Variants in ZNF385D observed in about 807,000 individuals in gnomAD.
ZNF385D encodes zinc finger protein 385D, also known as zinc finger protein 659.
Under a neutral mutation model 35.8 loss-of-function variants are expected in ZNF385D, and 15 were observed. The observed-to-expected ratio is 0.42, with a 90% CI of 0.28 to 0.64. The LOEUF (loss-of-function observed/expected upper bound fraction) is 0.64. ZNF385D is among the 30% of genes least tolerant of loss of function. The pLI, the probability that ZNF385D is intolerant of heterozygous loss-of-function variation, is 0.23. For missense variants in ZNF385D, 474 were observed against 494.6 expected (o/e 0.96, Z 0.39); for synonymous variants, 212 against 186.8 (o/e 1.13, Z -1.10).
chr3:21,548,709 C>T (rs1285693317), intron 3 of ZNF385D, among the ~76,000 whole-genome samples: 2 of 152,184 alleles, frequency 1.3e-5, no homozygotes, highest in African/African-American at 2.4e-5. Context: ...GTGTGCAGAA[C>T]TTAAGTGACT....
intron 2 of ZNF385D, among the ~76,000 whole-genome samples, chr3:21,601,099 T>G (rs971607311): frequency 2.0e-5 from 3 of 152,208 alleles, no homozygotes; most frequent in Non-Finnish European, 4.4e-5. Context: ...AGGTTTTTAT[T>G]TTTCACTATG....
intron 3 of ZNF385D, among the ~76,000 whole-genome samples, chr3:21,773,603 G>T (rs1289859075): frequency 6.6e-6 from 1 of 151,906 alleles, no homozygotes; most frequent in South Asian, 2.1e-4. Flanking sequence ...ATTAAAAAGT[G>T]GGCAAAGAAC....
intron 1 of ZNF385D, among the ~76,000 whole-genome samples, chr3:21,666,797 G>T (rs555749802): frequency 1.3e-5 from 2 of 152,234 alleles, no homozygotes; most frequent in East Asian, 3.9e-4. Flanking sequence ...CAGAAGTAAG[G>T]CCAGGTGTGG....
chr3:21,719,507 C>A (rs1281034115), intron 1 of ZNF385D, among the ~76,000 whole-genome samples: 1 of 152,114 alleles, frequency 6.6e-6, no homozygotes, highest in Non-Finnish European at 1.5e-5. Flanking sequence ...TTAATTTTAC[C>A]GATCCTCAAA....
intron 4 of ZNF385D, among the ~76,000 whole-genome samples, chr3:21,509,810 C>T (rs182879223): frequency 1.5e-4 from 23 of 152,222 alleles, no homozygotes; most frequent in African/African-American, 5.5e-4. Flanking sequence ...ATACAAAATG[C>T]CACAGGAACT....
chr3:21,638,568 T>G (rs763697227), intron 2 of ZNF385D, among the ~76,000 whole-genome samples: 2 of 152,122 alleles, frequency 1.3e-5, no homozygotes, highest in African/African-American at 4.8e-5. Flanking sequence ...GTGCCTGATA[T>G]GACATCTGTC....
At chr3:21,927,712 T>C (rs1700801392) in intron 3 of ZNF385D, among the ~76,000 whole-genome samples, 1 of 152,134 alleles carries the variant, frequency 6.6e-6, no homozygotes, top group African/African-American at 2.4e-5. Context: ...AAAATAGACT[T>C]CAAGACAAAA....
At chr3:21,810,538 G>A (rs1052599553) in intron 3 of ZNF385D, among the ~76,000 whole-genome samples, 12 of 151,782 alleles carry the variant, frequency 7.9e-5, no homozygotes, top group African/African-American at 2.9e-4. Context: ...AACTATATAT[G>A]TGTGTGTATG....
intron 2 of ZNF385D, among the ~76,000 whole-genome samples, chr3:21,630,205 C>CT (rs34565673): frequency 0.14 from 20,325 of 140,960 alleles, 1,493 homozygotes; most frequent in Middle Eastern, 0.2. Flanking sequence ...TCTTTTCTTT[C>CT]TTTTTTTTTT....
At chr3:21,664,136 G>T (rs1451576278) in intron 2 of ZNF385D, among the ~76,000 whole-genome samples, 2 of 148,472 alleles carry the variant, frequency 1.3e-5, no homozygotes, top group Non-Finnish European at 3.0e-5. Flanking sequence ...TCACTTACTC[G>T]TTTCTAACCT....
chr3:22,277,033 A>G (rs776337262), intron 2 of ZNF385D, among the ~76,000 whole-genome samples: 2 of 152,142 alleles, frequency 1.3e-5, no homozygotes, highest in African/African-American at 4.8e-5. Flanking sequence ...ATTTCATTCT[A>G]TTTCCATATC....
chr3:21,556,068 GTT>G (rs148079775), intron 3 of ZNF385D, among the ~76,000 whole-genome samples: 73 of 99,054 alleles, frequency 7.4e-4, no homozygotes, highest in African/African-American at 1.7e-3. Flanking sequence ...TTTTGTTTTT[GTT>G]TTTTTTTTTT....
At chr3:22,094,385 G>GAGATATATATATAT (rs1491256865) in intron 3 of ZNF385D, among the ~76,000 whole-genome samples, 3,435 of 70,358 alleles carry the variant, frequency 0.049, 93 homozygotes, top group Non-Finnish European at 0.075. Context: ...ATTTATTGTT[G>GAGATATATATATAT]ATATATATAT....
At chr3:21,494,552 G>A (rs907537400) in intron 4 of ZNF385D, among the ~76,000 whole-genome samples, 4 of 152,098 alleles carry the variant, frequency 2.6e-5, no homozygotes, top group Non-Finnish European at 5.9e-5. Context: ...GCCCCGGGAG[G>A]AATCAAAACG....
intron 2 of ZNF385D, among the ~76,000 whole-genome samples, chr3:22,243,785 A>C (rs1699619815): frequency 1.3e-5 from 2 of 150,708 alleles, no homozygotes; most frequent in South Asian, 2.2e-4. Context: ...AATAGGGTGG[A>C]AAGTTGGTTT....
At chr3:22,240,401 C>A (rs1699429878) in intron 2 of ZNF385D, among the ~76,000 whole-genome samples, 1 of 150,944 alleles carries the variant, frequency 6.6e-6, no homozygotes. Flanking sequence ...CTTCTTCCTG[C>A]CCTTTTGTTA....
At chr3:22,264,086 G>T (rs534091218) in intron 2 of ZNF385D, among the ~76,000 whole-genome samples, 1 of 151,920 alleles carries the variant, frequency 6.6e-6, no homozygotes, top group African/African-American at 2.4e-5. Flanking sequence ...AGGAAGGTAG[G>T]AAGAAGCTAA....
intron 3 of ZNF385D, among the ~76,000 whole-genome samples, chr3:21,520,952 C>T (rs1707866977): frequency 6.6e-6 from 1 of 152,166 alleles, no homozygotes; most frequent in Non-Finnish European, 1.5e-5. Context: ...TACATAGTCA[C>T]ATAACACATA....
chr3:21,686,340 T>G (rs1485653045), intron 1 of ZNF385D, among the ~76,000 whole-genome samples: 1 of 152,128 alleles, frequency 6.6e-6, no homozygotes, highest in Non-Finnish European at 1.5e-5. Flanking sequence ...AAGATATAAA[T>G]ATTGTACTTT....
Sources: gnomAD v4.1 joint callset for allele counts (sites outside exome capture counted in the v4.1 genomes callset) on GRCh38, gnomAD v4.1.1 for gene constraint, MANE v1.5 for transcripts, NCBI Gene and HGNC (gene_info 2026-07-23, HGNC 2026-07-21) for gene names.